Variants in FCER1G observed in about 807,000 individuals in gnomAD.
FCER1G encodes the protein high affinity immunoglobulin epsilon receptor subunit gamma.
A neutral mutation model predicts 17.3 loss-of-function variants in FCER1G; 7 were observed. The observed-to-expected ratio is 0.40, with a 90% CI of 0.23 to 0.76. The LOEUF (loss-of-function observed/expected upper bound fraction) is 0.76. Ranked by LOEUF, FCER1G falls within the 30% of genes least tolerant of loss-of-function variation. The pLI is 0.35. For synonymous variants in FCER1G, 35 were observed against 38.7 expected (o/e 0.90, Z 0.35); for missense variants, 87 against 97.7 (o/e 0.89, Z 0.46).
In FCER1G at chr1:161,218,983, G is replaced by A. The variant is rs1298011341; in HGVS notation, c.*40G>A. ...CGGTCATATTCTTCTTTGGCTTCTG[G>A]TTCTTCCAGCCCTCATGGTTGGCAT... On this transcript the variant is annotated 3_prime_UTR_variant, in exon 5 of 5. Transcript: ENST00000289902. 6.5e-7 allele frequency: 1 copy of A among 1,532,120 alleles called. No individual in the cohort carries two copies. The highest frequency in any genetic ancestry group is 9.0e-7 in the Non-Finnish European group (1 of 1,105,254). The allele number at this position is 1,532,120 out of a possible 1,614,324, so 94.9% of individuals were successfully genotyped here.
chr1:161,218,905 A>T lies in FCER1G; in HGVS notation c.223A>T (p.Thr75Ser). 6.2e-7 allele frequency: 1 copy of T among 1,613,886 alleles called. No homozygotes were observed. Among genetic ancestry groups the T allele is most frequent in the Non-Finnish European group, 8.5e-7 (1 of 1,179,882 alleles). ...YTGLSTRNQE[T>S]YETLKHEKPP... ...GGGCCTGAGCACCAGGAACCAGGAG[A>T]CTTACGAGACTCTGAAGCATGAGAA... is the stretch of plus-strand genomic sequence containing the variant. Residue 75 changes from threonine (T) to serine (S), a missense_variant, in exon 5 of 5, where the codon ACT becomes TCT. Coordinates refer to ENST00000289902, the MANE Select transcript of FCER1G (RefSeq NM_004106.2).
At chr1:161,217,188 G>A (rs1666069199) in intron 1 of FCER1G, among the ~76,000 whole-genome samples, 1 of 152,120 alleles carries the variant, frequency 6.6e-6, no homozygotes, top group African/African-American at 2.4e-5. Context: ...CTGGTCCTCT[G>A]ATACGGGGTG....
chr1:161,216,655 G>T (rs1431273548), intron 1 of FCER1G, among the ~76,000 whole-genome samples: 4 of 152,160 alleles, frequency 2.6e-5, no homozygotes, highest in Admixed American at 2.6e-4. Flanking sequence ...AAATGGGAAG[G>T]TCTCTGAAGC....
intron 1 of FCER1G, among the ~76,000 whole-genome samples, chr1:161,216,411 C>CACACACACACACAT (rs1491150470): frequency 7.7e-6 from 1 of 129,752 alleles, no homozygotes; most frequent in African/African-American, 3.0e-5. Flanking sequence ...CACACACACA[C>CACACACACACACAT]ATATATATAT....
chr1:161,218,177 G>T, intron 2 of FCER1G, 64 bp from the exon 3 acceptor site: 1 of 1,546,804 alleles, frequency 6.5e-7, no homozygotes, highest in Non-Finnish European at 8.9e-7. Flanking sequence ...CCTCCACAAA[G>T]TTTGGAGGGA....
chr1:161,218,459 G>C (rs74865766), intron 3 of FCER1G, among the ~76,000 whole-genome samples, 183 bp downstream of exon 3: 3,244 of 152,274 alleles, frequency 0.021, 59 homozygotes, highest in South Asian at 0.051. Context: ...GCAGGTGACA[G>C]GGAAGAATCA....
rs773074207 is a variant in FCER1G, at chr1:161,218,967, T to C, written c.*24T>C. The C allele has an allele frequency of 2.5e-6, 4 of 1,593,926 alleles. No homozygotes were observed. The African/African-American group carries it at 4.0e-5, about 16-fold the overall frequency. On this transcript the variant is annotated 3_prime_UTR_variant, in exon 5 of 5. Coordinates refer to ENST00000289902, the MANE Select transcript of FCER1G (RefSeq NM_004106.2). Reference sequence around the variant, plus strand: ...AGCTTTAGAATAGATGCGGTCATATTCTTCTTTGGCTTCTGGTTCTTCCAG... The same window carrying C: ...AGCTTTAGAATAGATGCGGTCATATCCTTCTTTGGCTTCTGGTTCTTCCAG...
Position 161,218,307 on chromosome 1 carries a change from A to G in FCER1G, c.177+31A>G, listed in dbSNP as rs375647631. ...GACCCTCCTACACCTGGTGTGGACA[A>G]CTTTTCAGACCCTCAGCCCTCCTGG... On this transcript the variant is annotated intron_variant, in intron 3 of 4. Transcript: ENST00000289902. 9.7e-5 allele frequency: 155 copies of G among 1,594,232 alleles called. 1 individual carries two copies. The Middle Eastern group carries it at 9.9e-4, about 10-fold the overall frequency.
At chr1:161,217,019 C>A (rs769573883) in intron 1 of FCER1G, among the ~76,000 whole-genome samples, 3 of 152,130 alleles carry the variant, frequency 2.0e-5, no homozygotes, top group Non-Finnish European at 4.4e-5. Flanking sequence ...TTAGCTTTTC[C>A]GAGCCTTGGT....
At chr1:161,217,248 A>C (rs1381364338) in intron 1 of FCER1G, among the ~76,000 whole-genome samples, 3 of 152,066 alleles carry the variant, frequency 2.0e-5, no homozygotes, top group African/African-American at 7.2e-5. Context: ...AATTGCACAA[A>C]ACTTCCCCTC....
chr1:161,218,909 A>G lies in FCER1G; in HGVS notation c.227A>G (p.Tyr76Cys). 1.2e-6 allele frequency: 2 copies of G among 1,613,974 alleles called. No homozygotes were observed. The highest frequency in any genetic ancestry group is 1.7e-6 in the Non-Finnish European group (2 of 1,179,914). ...TGLSTRNQET[Y>C]ETLKHEKPPQ is the part of the protein sequence containing the mutation. The stretch of plus-strand genomic sequence containing the variant: ...CTGAGCACCAGGAACCAGGAGACTT[A>G]CGAGACTCTGAAGCATGAGAAACCA... Residue 76 changes from tyrosine (Y) to cysteine (C), a missense_variant, in exon 5 of 5, where the codon TAC becomes TGC. Transcript: ENST00000289902.
chr1:161,216,361 T>TACACACACACACAC (rs1218847328), intron 1 of FCER1G, among the ~76,000 whole-genome samples: 1 of 137,490 alleles, frequency 7.3e-6, no homozygotes, highest in African/African-American at 2.8e-5. Context: ...TCTATCTATA[T>TACACACACACACAC]ACACACACAC....
intron 1 of FCER1G, among the ~76,000 whole-genome samples, chr1:161,216,377 T>TACACACACACACACACACACAC (rs57711151): frequency 2.5e-5 from 3 of 120,508 alleles, no homozygotes; most frequent in Non-Finnish European, 3.5e-5. Flanking sequence ...CACACACACA[T>TACACACACACACACACACACAC]ACACACACAC....
intron 1 of FCER1G, among the ~76,000 whole-genome samples, chr1:161,215,700 C>T (rs1402897494): frequency 6.6e-6 from 1 of 152,104 alleles, no homozygotes; most frequent in African/African-American, 2.4e-5. Context: ...TCAAGCGATT[C>T]TCCTGCCTCA....
Sources: allele counts gnomAD v4.1 joint callset (sites outside exome capture counted in the v4.1 genomes callset), GRCh38; gene constraint gnomAD v4.1.1; transcripts MANE v1.5; gene names NCBI Gene and HGNC (gene_info 2026-07-23, HGNC 2026-07-21).